Variants in ACER1 observed in about 807,000 individuals in gnomAD.
ACER1 encodes the protein CTB-180A7.3.
ACER1 carries 28 observed loss-of-function variants against 24.9 expected under a neutral mutation model. That is an observed-to-expected ratio of 1.13 (90% CI 0.83 to 1.54). The LOEUF (loss-of-function observed/expected upper bound fraction) is 1.54, where lower values mean the gene tolerates loss of function less well. ACER1 is among the 40% of genes most tolerant of loss of function. The pLI is 0.00. For synonymous variants in ACER1, 132 were observed against 131.4 expected (o/e 1.00, Z -0.03); for missense variants, 352 against 349.3 (o/e 1.01, Z -0.06).
intron 1 of ACER1, among the ~76,000 whole-genome samples, chr19:6,323,229 G>A (rs576634358): frequency 4.6e-5 from 7 of 152,152 alleles, no homozygotes; most frequent in South Asian, 2.1e-4. Context: ...GACCATCATG[G>A]CTAACACAGT....
chr19:6,325,929 G>A (rs1447836452), intron 1 of ACER1, among the ~76,000 whole-genome samples: 1 of 151,828 alleles, frequency 6.6e-6, no homozygotes, highest in East Asian at 1.9e-4. Context: ...GGTTTCCATG[G>A]TATTGTTTGT....
At chr19:6,341,832 G>C in the ACER1 span, among the ~76,000 whole-genome samples, 2 of 151,824 alleles carry the variant, frequency 1.3e-5, no homozygotes, top group African/African-American at 4.8e-5. Context: ...GGTTTCACCA[G>C]GTTGGCCAGG....
At chr19:6,307,896 G>A (rs563507764) in intron 4 of ACER1, among the ~76,000 whole-genome samples, 1 of 151,800 alleles carries the variant, frequency 6.6e-6, no homozygotes, top group Non-Finnish European at 1.5e-5. Flanking sequence ...AGACCAGCTT[G>A]GCCAACATGG....
chr19:6,306,631 C>T lies in ACER1; in HGVS notation c.*83G>A, dbSNP rs1286723653. ...AGAGGAAGGAACCACGAGTGTCCCG[C>T]AGGTGCAAGTCCTGACCGGGGCTAT... On this transcript the variant is annotated 3_prime_UTR_variant, in exon 6 of 6. Coordinates refer to ENST00000301452, the MANE Select transcript of ACER1 (RefSeq NM_133492.3). 2 of 1,486,180 alleles carry T rather than the reference C, an allele frequency of 1.3e-6. No individual in the cohort carries two copies. Among genetic ancestry groups the T allele is most frequent in the African/African-American group, 2.8e-5 (2 of 71,782 alleles). 92.1% of individuals were successfully genotyped at this position (1,486,180 alleles called of 1,614,324 possible).
chr19:6,308,092 A>C (rs538389604), intron 4 of ACER1, among the ~76,000 whole-genome samples: 2 of 151,924 alleles, frequency 1.3e-5, no homozygotes, highest in South Asian at 4.1e-4. Context: ...TAAATAAATA[A>C]ATAAATAAAT....
the ACER1 span, among the ~76,000 whole-genome samples, chr19:6,341,521 C>T: frequency 7.7e-6 from 1 of 130,022 alleles, no homozygotes; most frequent in African/African-American, 3.1e-5. Context: ...AAGACCTTGT[C>T]TCAAAAAAAA....
chr19:6,347,098 C>CAAAAAAAAAAAAAAAAAAAAA, the ACER1 span, among the ~76,000 whole-genome samples: 6 of 81,976 alleles, frequency 7.3e-5, no homozygotes, highest in African/African-American at 3.3e-4. Flanking sequence ...CCTGTCTCTA[C>CAAAAAAAAAAAAAAAAAAAAA]AAAAAAAAAA....
chr19:6,343,234 C>T, the ACER1 span, among the ~76,000 whole-genome samples: 1 of 152,128 alleles, frequency 6.6e-6, no homozygotes, highest in African/African-American at 2.4e-5. Context: ...CAAGACAATT[C>T]CACAAATATC....
intron 1 of ACER1, among the ~76,000 whole-genome samples, chr19:6,321,645 G>C (rs916999254): frequency 6.7e-6 from 1 of 149,106 alleles, no homozygotes; most frequent in African/African-American, 2.4e-5. Context: ...GTCTCACTCT[G>C]TTGCCCAGGC....
chr19:6,354,805 TCTCCCC>T, the ACER1 span, among the ~76,000 whole-genome samples: 1 of 133,570 alleles, frequency 7.5e-6, no homozygotes, highest in South Asian at 2.2e-4. Context: ...TCCCTCTCCC[TCTCCCC>T]CCTCTCCCTT....
the ACER1 span, among the ~76,000 whole-genome samples, chr19:6,355,321 C>G: frequency 6.7e-6 from 1 of 150,102 alleles, no homozygotes; most frequent in Non-Finnish European, 1.5e-5. Context: ...GCCTGGCTAC[C>G]CAGTCTGGAA....
chr19:6,337,218 C>T (rs983654159), upstream of ACER1, among the ~76,000 whole-genome samples: 1 of 151,258 alleles, frequency 6.6e-6, no homozygotes, highest in Admixed American at 6.6e-5. Context: ...AAGTAATCAA[C>T]TTTTTCAATT....
In ACER1 at chr19:6,322,685, C is replaced by T. The variant is rs572846233; in HGVS notation, c.94-10186G>A. 2.6e-5 allele frequency among the ~76,000 whole-genome samples: 4 copies of T among 152,270 alleles called. No homozygotes were observed. The East Asian group carries it at 7.7e-4, about 29-fold the overall frequency. ...TTCTTTGGAGAATGATATGATTTGG[C>T]TGTGTCCCCACCCAAATGTCATCTT... On this transcript the variant is annotated intron_variant, in intron 1 of 5. Transcript: ENST00000301452.
the ACER1 span, among the ~76,000 whole-genome samples, chr19:6,359,486 T>G: frequency 6.6e-6 from 1 of 151,830 alleles, no homozygotes; most frequent in African/African-American, 2.4e-5. Context: ...GCCGAGATAA[T>G]TTTGTATTTT....
rs777436060 is a variant in ACER1, at chr19:6,309,686, C to A, written c.488+11G>T. 1 of 1,613,664 alleles carries A rather than the reference C, an allele frequency of 6.2e-7. No homozygotes were observed. The highest frequency in any genetic ancestry group is 8.5e-7 in the Non-Finnish European group (1 of 1,179,848). On this transcript the variant is annotated intron_variant, in intron 4 of 5. Coordinates refer to ENST00000301452, the MANE Select transcript of ACER1 (RefSeq NM_133492.3). ...GAGCCTCCTGCCCAGGCACCTGCAG[C>A]CTTCACTCACTTCCTGTACTCCTGG...
At chr19:6,343,104 C>G in the ACER1 span, among the ~76,000 whole-genome samples, 1 of 152,088 alleles carries the variant, frequency 6.6e-6, no homozygotes, top group East Asian at 1.9e-4. Context: ...CTTGCCGATT[C>G]CGAGTACTGG....
At chr19:6,353,403 G>A in the ACER1 span, 2 of 152,176 alleles carry the variant, frequency 1.3e-5, no homozygotes, top group African/African-American at 4.8e-5. Context: ...GGGAGGCCAA[G>A]GTAAGAGGGT....
At chr19:6,351,768 A>G in the ACER1 span, among the ~76,000 whole-genome samples, 151,226 of 151,788 alleles carry the variant, frequency 1, 75,332 homozygotes, top group East Asian at 1. Flanking sequence ...TAAAATTTAA[A>G]CCCTTAGGCC....
At chr19:6,312,355 C>T (rs370362366) in intron 2 of ACER1, 30 bp downstream of exon 2, 21 of 1,613,744 alleles carry the variant, frequency 1.3e-5, no homozygotes, top group Middle Eastern at 1.6e-4. Context: ...TGCCTCCCGA[C>T]TGTCACAGAC....
Sources: allele counts gnomAD v4.1 joint callset (sites outside exome capture counted in the v4.1 genomes callset), GRCh38; gene constraint gnomAD v4.1.1; transcripts MANE v1.5; gene names NCBI Gene and HGNC (gene_info 2026-07-23, HGNC 2026-07-21).